The following XRRA1 variants were observed in gnomAD, a reference collection of about 807,000 sequenced individuals.
The protein encoded by XRRA1 is X-ray radiation resistance-associated protein 1.
Under a neutral mutation model 80.2 loss-of-function variants are expected in XRRA1, and 69 were observed. The observed-to-expected ratio is 0.86, with a 90% CI of 0.71 to 1.05. The LOEUF (loss-of-function observed/expected upper bound fraction) is 1.05, where lower values mean the gene tolerates loss of function less well. Among genes scored for constraint, XRRA1 ranks in the 50% least tolerant of loss-of-function variants. The pLI is 0.00. For synonymous variants in XRRA1, 348 were observed against 389.9 expected, an observed-to-expected ratio of 0.89 and a Z score of 1.27; for missense variants, 967 against 976.4, an observed-to-expected ratio of 0.99 and a Z score of 0.13.
intron 7 of XRRA1, 93 bp from the exon 8 acceptor site, chr11:74,921,440 A>T: frequency 1.3e-6 from 2 of 1,520,968 alleles, no homozygotes; most frequent in South Asian, 1.2e-5. Flanking sequence ...AGAGTGCCCC[A>T]TCGCCCACAG....
At chr11:74,927,193 A>C (rs1942442214) in intron 7 of XRRA1, among the ~76,000 whole-genome samples, 198 bp downstream of exon 7, 1 of 152,054 alleles carries the variant, frequency 6.6e-6, no homozygotes, top group Non-Finnish European at 1.5e-5. Context: ...TGCCACTTCT[A>C]CCATTACCAC....
At chr11:74,912,698 G>GATTT (rs1180706729) in intron 8 of XRRA1, among the ~76,000 whole-genome samples, 3 of 152,206 alleles carry the variant, frequency 2.0e-5, no homozygotes, top group Non-Finnish European at 2.9e-5. Flanking sequence ...GGCAAAAAGT[G>GATTT]ATTTGAGTTG....
intron 10 of XRRA1, among the ~76,000 whole-genome samples, chr11:74,900,939 C>A (rs1464323827): frequency 6.6e-6 from 1 of 152,122 alleles, no homozygotes; most frequent in Non-Finnish European, 1.5e-5. Context: ...CAACTGATTA[C>A]TGGAAGTCTT....
intron 14 of XRRA1, 98 bp downstream of exon 14, chr11:74,850,990 C>G: frequency 1.3e-6 from 1 of 783,916 alleles, no homozygotes; most frequent in Non-Finnish European, 2.0e-6. Context: ...AGATTCCAGG[C>G]ACTGTGGAGT....
chr11:74,906,309 C>A lies in XRRA1; in HGVS notation c.933G>T (p.Arg311Ser). Residue 311 changes from arginine (R) to serine (S), a missense_variant, in exon 10 of 19, where the codon AGG (arginine) becomes AGT (serine). Arg to Ser is a moderately radical substitution (Grantham distance 110, BLOSUM62 -1). Transcript: ENST00000684022. ...EPQFMLQSKP[R>S]MLEDSDEQLD... ...GTTGCTCATCTGAGTCCTCAAGCAT[C>A]CTTGGCTTGGACTGCAGCATGAATT... 1 of 1,613,986 alleles carries A rather than the reference C, an allele frequency of 6.2e-7. No homozygotes were observed. Among genetic ancestry groups the A allele is most frequent in the South Asian group, 1.1e-5 (1 of 91,090 alleles).
intron 10 of XRRA1, among the ~76,000 whole-genome samples, chr11:74,882,107 C>G (rs1286709218): frequency 7.2e-5 from 11 of 151,904 alleles, no homozygotes; most frequent in Non-Finnish European, 1.5e-5. Context: ...GAGTGTTTTC[C>G]AACTTGGTTC....
intron 10 of XRRA1, among the ~76,000 whole-genome samples, chr11:74,888,217 G>C (rs1159824368): frequency 6.6e-6 from 1 of 152,144 alleles, no homozygotes; most frequent in African/African-American, 2.4e-5. Flanking sequence ...ACTCCTCAGA[G>C]ACAAAACTTC....
At position 74,877,431 on chromosome 11, in the gene XRRA1, T is replaced by A. The variant is rs202178530; in HGVS notation, c.1004-14410A>T. 7.2e-5 allele frequency among the ~76,000 whole-genome samples: 11 copies of A among 152,212 alleles called. No homozygotes were observed. The East Asian group carries it at 2.1e-3, about 29-fold the overall frequency. ...CTACTGTCATGGTTATAGCCTATAGTACTCCCACTAATAATGGGATTCTTT... is the reference window on the plus strand; with the variant it reads ...CTACTGTCATGGTTATAGCCTATAGAACTCCCACTAATAATGGGATTCTTT... On this transcript the variant is annotated intron_variant, in intron 10 of 18. Coordinates refer to ENST00000684022, the MANE Select transcript of XRRA1 (RefSeq NM_001378157.1).
At chr11:74,886,370 G>C (rs1374250271) in intron 10 of XRRA1, among the ~76,000 whole-genome samples, 2 of 152,060 alleles carry the variant, frequency 1.3e-5, no homozygotes, top group Non-Finnish European at 2.9e-5. Flanking sequence ...AAAGTTTCAG[G>C]ATACAAAATC....
rs564377987 is a variant in XRRA1 at position 74,870,198 on chromosome 11, C to T, written c.1004-7177G>A. 4.6e-5 allele frequency among the ~76,000 whole-genome samples: 7 copies of T among 152,332 alleles called. No homozygotes were observed. In the South Asian group the frequency reaches 1.5e-3, roughly 32 times the overall value. The stretch of plus-strand genomic sequence containing the variant: ...GCTTGCTCGGGAGAACTTAGTGAAT[C>T]CCTCGGTACCCTCAGGGTGCTGGGA... On this transcript the variant is annotated intron_variant, in intron 10 of 18. Transcript: ENST00000684022.
intron 10 of XRRA1, among the ~76,000 whole-genome samples, chr11:74,873,246 C>T (rs529696388): frequency 4.0e-4 from 61 of 152,256 alleles, no homozygotes; most frequent in African/African-American, 1.4e-3. Context: ...AGGGCCTCCT[C>T]GAACCTTGTA....
intron 1 of XRRA1, among the ~76,000 whole-genome samples, chr11:74,947,636 GCAA>G (rs1293333708): frequency 3.3e-5 from 5 of 152,174 alleles, no homozygotes; most frequent in African/African-American, 9.7e-5. Context: ...AAGATAAACT[GCAA>G]CAACAAGCTA....
At chr11:74,890,092 A>T (rs945853916) in intron 10 of XRRA1, among the ~76,000 whole-genome samples, 3 of 152,204 alleles carry the variant, frequency 2.0e-5, no homozygotes, top group Admixed American at 6.5e-5. Flanking sequence ...AATCAACAGA[A>T]TATACATTCT....
chr11:74,883,357 G>A (rs1299366116), intron 10 of XRRA1, among the ~76,000 whole-genome samples: 6 of 152,270 alleles, frequency 3.9e-5, no homozygotes, highest in South Asian at 2.1e-4. Flanking sequence ...GCAATGCCTC[G>A]CCCTGCCTTG....
intron 8 of XRRA1, among the ~76,000 whole-genome samples, chr11:74,915,360 A>T (rs902664707): frequency 6.6e-6 from 1 of 152,196 alleles, no homozygotes; most frequent in African/African-American, 2.4e-5. Flanking sequence ...TCCCCAAGAC[A>T]ATCCCCTGTG....
chr11:74,907,434 A>C (rs2054873945), intron 8 of XRRA1, among the ~76,000 whole-genome samples, 161 bp from the exon 9 acceptor site: 2 of 152,190 alleles, frequency 1.3e-5, no homozygotes, highest in African/African-American at 4.8e-5. Flanking sequence ...AGAAAGTATA[A>C]TTCCTTCCCC....
chr11:74,889,497 A>G (rs1482752438), intron 10 of XRRA1, among the ~76,000 whole-genome samples: 1 of 152,238 alleles, frequency 6.6e-6, no homozygotes, highest in African/African-American at 2.4e-5. Context: ...TGCATCAACT[A>G]ACGAGCAAAA....
chr11:74,882,281 C>T (rs1226096196), intron 10 of XRRA1, among the ~76,000 whole-genome samples: 1 of 151,734 alleles, frequency 6.6e-6, no homozygotes, highest in African/African-American at 2.4e-5. Flanking sequence ...CGCTGATACC[C>T]TTTCTTCCAG....
In XRRA1 at chr11:74,927,441, T is replaced by A. The variant is rs61746074; in HGVS notation, c.472A>T (p.Asn158Tyr). 1 of 1,613,588 alleles carries A rather than the reference T, an allele frequency of 6.2e-7. No homozygotes were observed. The highest frequency in any genetic ancestry group is 8.5e-7 in the Non-Finnish European group (1 of 1,179,624). ...TTCACGTAGATAGTTTTGATGCCATTAAATGCGAGATCCAGTTCCTTTAGG... is the reference window on the plus strand; with the variant it reads ...TTCACGTAGATAGTTTTGATGCCATAAAATGCGAGATCCAGTTCCTTTAGG... Reference protein sequence around the residue: ...PALKELDLAFNGIKTIYVKYG... With the variant: ...PALKELDLAFYGIKTIYVKYG... The change falls in exon 7 of 19, where the codon AAT becomes TAT. Residue 158 changes from asparagine to tyrosine, a missense_variant. Physicochemically the swap from Asn to Tyr is moderately radical, Grantham distance 143. Coordinates refer to ENST00000684022, the MANE Select transcript of XRRA1 (RefSeq NM_001378157.1).
Sources: gnomAD v4.1 joint callset for allele counts (sites outside exome capture counted in the v4.1 genomes callset) on GRCh38, gnomAD v4.1.1 for gene constraint, MANE v1.5 for transcripts, NCBI Gene and HGNC (gene_info 2026-07-23, HGNC 2026-07-21) for gene names.